Variants in AGPAT4 observed in about 807,000 individuals in gnomAD.
The protein encoded by AGPAT4 is 1-acyl-sn-glycerol-3-phosphate acyltransferase delta.
In AGPAT4, 15 loss-of-function variants were observed where a neutral mutation model predicts 48.0. The ratio of observed to expected loss-of-function variants is 0.31; its 90% CI spans 0.21 to 0.48. The LOEUF (loss-of-function observed/expected upper bound fraction) is 0.48, where lower values mean the gene tolerates loss of function less well. Ranked by LOEUF, AGPAT4 falls within the 20% of genes least tolerant of loss-of-function variation. The pLI is 0.99. For missense variants in AGPAT4, 314 were observed against 482.5 expected (o/e 0.65, Z 3.27); for synonymous variants, 178 against 198.7 (o/e 0.90, Z 0.88).
intron 1 of AGPAT4, among the ~76,000 whole-genome samples, chr6:161,248,276 A>G (rs73596903): frequency 0.17 from 25,703 of 152,060 alleles, 3,426 homozygotes; most frequent in African/African-American, 0.36. Flanking sequence ...AACTGCCACA[A>G]AAAAGAATAA....
At chr6:161,162,290 C>T (rs956092481) in intron 3 of AGPAT4, among the ~76,000 whole-genome samples, 2 of 152,232 alleles carry the variant, frequency 1.3e-5, no homozygotes, top group Admixed American at 6.5e-5. Flanking sequence ...CCCTGGGGCA[C>T]GGGCGGTGCT....
chr6:161,184,661 G>A lies in AGPAT4; in HGVS notation c.179-18244C>T, dbSNP rs1780716726. Among the ~76,000 whole-genome samples the A allele has an allele frequency of 6.6e-6, 1 of 152,002 alleles. No individual in the cohort carries two copies. Among genetic ancestry groups the A allele is most frequent in the African/African-American group, 2.4e-5 (1 of 41,356 alleles). On this transcript the variant is annotated intron_variant, in intron 2 of 8. Coordinates refer to ENST00000320285, the MANE Select transcript of AGPAT4 (RefSeq NM_020133.3). This position sits in a 1 kb window ranked among gnomAD's most constrained non-coding sequence, Gnocchi z 4.8. ...CTCTGTTCCTCTCCTACACCTAGTG[G>A]CACGTCTCCTCACAGCCCATGCCCA...
In AGPAT4 at chr6:161,255,153, A is replaced by T. The variant is rs958372690; in HGVS notation, c.-90+18785T>A. Among the ~76,000 whole-genome samples, 1 of 152,160 alleles carries T rather than the reference A, an allele frequency of 6.6e-6. No individual in the cohort carries two copies. The highest frequency in any genetic ancestry group is 6.5e-5 in the Admixed American group (1 of 15,276). On this transcript the variant is annotated intron_variant, in intron 1 of 8. Coordinates refer to ENST00000320285, the MANE Select transcript of AGPAT4 (RefSeq NM_020133.3). The surrounding 1 kb of genome is among the most constrained non-coding windows in gnomAD (Gnocchi z 4.7). The stretch of plus-strand genomic sequence containing the variant: ...CAGCTACTTCATCTTTCCCTGTAAT[A>T]CCTCACACATCCAGTTCTCCTTCAT...
At chr6:161,260,703 A>G (rs1321610087) in intron 1 of AGPAT4, among the ~76,000 whole-genome samples, 1 of 148,880 alleles carries the variant, frequency 6.7e-6, no homozygotes, top group East Asian at 2.0e-4. Flanking sequence ...CCTGGGCAAC[A>G]TGGCAAAACT....
chr6:161,179,078 G>A (rs1048408211), intron 2 of AGPAT4, among the ~76,000 whole-genome samples: 1 of 152,178 alleles, frequency 6.6e-6, no homozygotes, highest in East Asian at 1.9e-4. Flanking sequence ...TTCAACCATT[G>A]CCTGTCATTT....
intron 2 of AGPAT4, among the ~76,000 whole-genome samples, chr6:161,194,719 A>G (rs1169243512): frequency 1.3e-5 from 2 of 151,890 alleles, no homozygotes; most frequent in African/African-American, 4.8e-5. Context: ...ATGTATGTGT[A>G]TGTGCATATG....
At position 161,161,018 on chromosome 6, in the gene AGPAT4, G is replaced by A. The variant is rs1271677696; in HGVS notation, c.348+5230C>T. 6.6e-6 allele frequency: 3 copies of A among 454,900 alleles called. No homozygotes were observed. The highest frequency in any genetic ancestry group is 2.4e-5 in the Admixed American group (1 of 42,424). 28.2% of individuals were successfully genotyped at this position (454,900 alleles called of 1,614,324 possible). ...GGCATCAGAGGGCCCTAAGCACAGA[G>A]CACGAAAGGGGGACAGTTCATGGGA... On this transcript the variant is annotated intron_variant, in intron 3 of 8. Coordinates refer to ENST00000320285, the MANE Select transcript of AGPAT4 (RefSeq NM_020133.3). This position sits in a 1 kb window ranked among gnomAD's most constrained non-coding sequence, Gnocchi z 4.6.
Position 161,212,968 on chromosome 6 carries a change from G to C in AGPAT4, c.178+19068C>G, listed in dbSNP as rs1276740643. ...CTGTAATGGTGTGCTTTCCTTTAAGGAATCAAACTTGACTTATGAAGCCAA... is the reference window on the plus strand; with the variant it reads ...CTGTAATGGTGTGCTTTCCTTTAAGCAATCAAACTTGACTTATGAAGCCAA... On this transcript the variant is annotated intron_variant, in intron 2 of 8. Transcript: ENST00000320285. This position sits in a 1 kb window ranked among gnomAD's most constrained non-coding sequence, Gnocchi z 6.1. 6.6e-6 allele frequency among the ~76,000 whole-genome samples: 1 copy of C among 152,124 alleles called. No homozygotes were observed. Among genetic ancestry groups the C allele is most frequent in the Non-Finnish European group, 1.5e-5 (1 of 68,026 alleles).
rs143859936 is a variant in AGPAT4 at position 161,214,287 on chromosome 6, C to A, written c.178+17749G>T. On this transcript the variant is annotated intron_variant, in intron 2 of 8. Coordinates refer to ENST00000320285, the MANE Select transcript of AGPAT4 (RefSeq NM_020133.3). The surrounding 1 kb of genome is among the most constrained non-coding windows in gnomAD (Gnocchi z 5.4). ...ACCACCTGGGCACATGTTGTCAGGACCTCCTGAGGCTGTGTCACAGGCACA... is the reference window on the plus strand; with the variant it reads ...ACCACCTGGGCACATGTTGTCAGGAACTCCTGAGGCTGTGTCACAGGCACA... 6.6e-6 allele frequency among the ~76,000 whole-genome samples: 1 copy of A among 152,160 alleles called. No individual in the cohort carries two copies. Among genetic ancestry groups the A allele is most frequent in the African/African-American group, 2.4e-5 (1 of 41,426 alleles).
At chr6:161,152,269 C>A (rs1054962165) in intron 5 of AGPAT4, among the ~76,000 whole-genome samples, 4 of 150,604 alleles carry the variant, frequency 2.7e-5, no homozygotes, top group African/African-American at 7.3e-5. Flanking sequence ...GTTAACAGGG[C>A]TAAGGGCAGG....
At position 161,272,181 on chromosome 6, in the gene AGPAT4, T is replaced by C. The variant is rs761081188; in HGVS notation, c.-90+1757A>G. On this transcript the variant is annotated intron_variant, in intron 1 of 8. Transcript: ENST00000320285. This position sits in a 1 kb window ranked among gnomAD's most constrained non-coding sequence, Gnocchi z 4.2. The stretch of plus-strand genomic sequence containing the variant: ...TATAGCAGATTTGATAAGACATAGA[T>C]GATAGCATATTTAGATAAGGATCAC... Among the ~76,000 whole-genome samples the C allele has an allele frequency of 2.6e-5, 4 of 152,184 alleles. No individual in the cohort carries two copies. Among genetic ancestry groups the C allele is most frequent in the African/African-American group, 4.8e-5 (2 of 41,444 alleles).
intron 1 of AGPAT4, among the ~76,000 whole-genome samples, chr6:161,273,106 A>G (rs1783475897): frequency 6.6e-6 from 1 of 152,210 alleles, no homozygotes; most frequent in African/African-American, 2.4e-5. Flanking sequence ...ACCTCCTGTA[A>G]GGAATTAATT....
intron 3 of AGPAT4, among the ~76,000 whole-genome samples, chr6:161,162,939 C>A (rs1393654408): frequency 6.6e-6 from 1 of 152,202 alleles, no homozygotes; most frequent in African/African-American, 2.4e-5. Context: ...GTGACCTGTG[C>A]CCCAGCTGAC....
chr6:161,266,822 G>A lies in AGPAT4; in HGVS notation c.-90+7116C>T, dbSNP rs1047452705. Among the ~76,000 whole-genome samples the A allele has an allele frequency of 1.3e-5, 2 of 152,124 alleles. No homozygotes were observed. The highest frequency in any genetic ancestry group is 2.1e-4 in the South Asian group (1 of 4,824). ...CAGATAGTTCTTTAAAATTTCATCC[G>A]CCTCGGTTAACCTCTACCCACAGAA... is the stretch of plus-strand genomic sequence containing the variant. On this transcript the variant is annotated intron_variant, in intron 1 of 8. Coordinates refer to ENST00000320285, the MANE Select transcript of AGPAT4 (RefSeq NM_020133.3). The surrounding 1 kb of genome is among the most constrained non-coding windows in gnomAD (Gnocchi z 6.2).
rs1780271058 is a variant in AGPAT4, at chr6:161,171,739, A to C, written c.179-5322T>G. On this transcript the variant is annotated intron_variant, in intron 2 of 8. Transcript: ENST00000320285. The surrounding 1 kb of genome is among the most constrained non-coding windows in gnomAD (Gnocchi z 4.4). ...CCTGTCTCTACTAAAAATACAAAAAAAAAAAAAAAAATTAGCTGGGCGTGG... is the reference window on the plus strand; with the variant it reads ...CCTGTCTCTACTAAAAATACAAAAACAAAAAAAAAAATTAGCTGGGCGTGG... Among the ~76,000 whole-genome samples, 1 of 151,860 alleles carries C rather than the reference A, an allele frequency of 6.6e-6. No homozygotes were observed. The highest frequency in any genetic ancestry group is 2.1e-4 in the South Asian group (1 of 4,804).
intron 2 of AGPAT4, among the ~76,000 whole-genome samples, chr6:161,203,579 T>C (rs1039418648): frequency 6.6e-6 from 1 of 151,890 alleles, no homozygotes; most frequent in Non-Finnish European, 1.5e-5. Flanking sequence ...GTATTTTTAG[T>C]AGAGACGGGG....
rs1342736021 is a variant in AGPAT4, at chr6:161,132,685, C to G, written c.*3855G>C. 1 of 152,258 alleles carries G rather than the reference C, an allele frequency of 6.6e-6. No individual in the cohort carries two copies. The highest frequency in any genetic ancestry group is 2.4e-5 in the African/African-American group (1 of 41,452). 9.4% of individuals were successfully genotyped at this position (152,258 alleles called of 1,614,324 possible). ...CATCTGTGAGCATGTTACACATGGG[C>G]TTGCCTAAGTATTTCCTTCTCTGTG... On this transcript the variant is annotated 3_prime_UTR_variant, in exon 9 of 9. Transcript: ENST00000320285.
At chr6:161,256,098 G>A (rs1196180187) in intron 1 of AGPAT4, among the ~76,000 whole-genome samples, 1 of 152,118 alleles carries the variant, frequency 6.6e-6, no homozygotes, top group Admixed American at 6.5e-5. Context: ...GTGTCCAGGC[G>A]AGGCCGGTTG....
At chr6:161,186,216 CT>C (rs1349062301) in intron 2 of AGPAT4, among the ~76,000 whole-genome samples, 2 of 152,162 alleles carry the variant, frequency 1.3e-5, no homozygotes, top group Non-Finnish European at 2.9e-5. Context: ...ACCTGGAACA[CT>C]CATGCTTAAG....
Sources: allele counts gnomAD v4.1 joint callset (sites outside exome capture counted in the v4.1 genomes callset), GRCh38; gene constraint gnomAD v4.1.1; non-coding constraint Gnocchi (gnomAD v3.1); transcripts MANE v1.5; gene names NCBI Gene and HGNC (gene_info 2026-07-23, HGNC 2026-07-21).